LPIN2: variants seen among roughly 807,000 people sequenced by gnomAD.
The protein encoded by LPIN2 is lipin 2, also known as phosphatidate phosphatase LPIN2.
LPIN2 carries 55 observed loss-of-function variants against 111.4 expected under a neutral mutation model. That is an observed-to-expected ratio of 0.49 (90% CI 0.40 to 0.62). The LOEUF (loss-of-function observed/expected upper bound fraction) is 0.62, where lower values mean the gene tolerates loss of function less well. LPIN2 is among the 20% of genes least tolerant of loss of function. The pLI is 0.00. For missense variants in LPIN2, 992 were observed against 1,112.1 expected, an observed-to-expected ratio of 0.89 and a Z score of 1.54; for synonymous variants, 425 against 414.0, an observed-to-expected ratio of 1.03 and a Z score of -0.32.
intron 18 of LPIN2, 157 bp downstream of exon 18, chr18:2,921,376 G>A: frequency 1.4e-6 from 1 of 692,528 alleles, no homozygotes; most frequent in Admixed American, 2.1e-5. Context: ...AGTTGCTATA[G>A]ATATTTGGAA....
chr18:2,951,533 T>C (rs1443815336), intron 3 of LPIN2, among the ~76,000 whole-genome samples, 177 bp from the exon 4 acceptor site: 1 of 152,170 alleles, frequency 6.6e-6, no homozygotes, highest in Non-Finnish European at 1.5e-5. Flanking sequence ...GACGAGGTCT[T>C]TCCCCTGTGA....
At chr18:2,926,138 G>GAAAAA (rs1568516330) in intron 13 of LPIN2, among the ~76,000 whole-genome samples, 1 of 152,060 alleles carries the variant, frequency 6.6e-6, no homozygotes, top group African/African-American at 2.4e-5. Flanking sequence ...ACAAAAACTA[G>GAAAAA]TAAGAAAAAT....
intron 1 of LPIN2, among the ~76,000 whole-genome samples, chr18:2,983,493 C>T (rs1427907192): frequency 6.6e-6 from 1 of 152,180 alleles, no homozygotes; most frequent in African/African-American, 2.4e-5. Flanking sequence ...AAACCGCAAA[C>T]ACACAACTCA....
chr18:2,955,062 C>A (rs1306729662), intron 2 of LPIN2, among the ~76,000 whole-genome samples: 1 of 152,118 alleles, frequency 6.6e-6, no homozygotes, highest in Non-Finnish European at 1.5e-5. Flanking sequence ...TAACAGGTGA[C>A]AATCAGTGCT....
intron 4 of LPIN2, 35 bp downstream of exon 4, chr18:2,951,020 C>T (rs1380157725): frequency 6.2e-7 from 1 of 1,612,306 alleles, no homozygotes; most frequent in East Asian, 2.2e-5. Context: ...ACTCTAGGTA[C>T]CCGCACAAGA....
chr18:2,931,338 G>C lies in LPIN2; in HGVS notation c.1374C>G (p.Cys458Trp). 1 of 1,614,168 alleles carries C rather than the reference G, an allele frequency of 6.2e-7. No homozygotes were observed. The highest frequency in any genetic ancestry group is 8.5e-7 in the Non-Finnish European group (1 of 1,180,030). The change falls in exon 9 of 20, where the codon TGC becomes TGG. Residue 458 changes from cysteine (C) to tryptophan (W), a missense_variant. By Grantham distance (215) the Cys-to-Trp change is radical. This residue lies in a region of LPIN2 where 709 missense variants were observed against 753.2 expected (regional missense o/e 0.94). Coordinates refer to ENST00000677752, the MANE Select transcript of LPIN2 (RefSeq NM_001375808.2). Reference protein sequence around the residue: ...GSAAADSGTECLSDSAMDLPD... With the variant: ...GSAAADSGTEWLSDSAMDLPD... ...GCAAGTCCATGGCAGAATCTGAGAG[G>C]CACTCGGTGCCGCTATCTGCAGCTG...
At chr18:2,964,509 C>T (rs2077762872) in intron 1 of LPIN2, among the ~76,000 whole-genome samples, 1 of 152,080 alleles carries the variant, frequency 6.6e-6, no homozygotes, top group South Asian at 2.1e-4. Flanking sequence ...GAAAGAGACC[C>T]AGACCACGCT....
At chr18:2,945,896 G>T in intron 4 of LPIN2, 1 of 1,426,598 alleles carries the variant, frequency 7.0e-7, no homozygotes, top group Non-Finnish European at 9.9e-7. Context: ...TAGTCCACAT[G>T]TTTCTCTTTT....
chr18:3,009,348 G>A (rs62077519), intron 1 of LPIN2, among the ~76,000 whole-genome samples: 20,113 of 151,520 alleles, frequency 0.13, 1,448 homozygotes, highest in South Asian at 0.19. Context: ...GCAGTCAGCC[G>A]AGATCATGAC....
At chr18:2,989,586 A>C (rs538417298) in intron 1 of LPIN2, among the ~76,000 whole-genome samples, 2 of 148,286 alleles carry the variant, frequency 1.3e-5, no homozygotes, top group Non-Finnish European at 1.5e-5. Flanking sequence ...AAAAGAGCTA[A>C]GTTGGAAGAC....
intron 1 of LPIN2, among the ~76,000 whole-genome samples, chr18:2,969,895 A>C: frequency 6.6e-6 from 1 of 152,230 alleles, no homozygotes; most frequent in East Asian, 1.9e-4. Flanking sequence ...TATGGGCTCA[A>C]GTTCACATCC....
intron 7 of LPIN2, 80 bp from the exon 8 acceptor site, chr18:2,934,530 CAGTA>C (rs1319491557): frequency 2.3e-6 from 2 of 885,954 alleles, no homozygotes; most frequent in East Asian, 2.5e-5. Flanking sequence ...CGTTTGCAAA[CAGTA>C]AGAGTGACAA....
intron 12 of LPIN2, among the ~76,000 whole-genome samples, chr18:2,927,219 G>A (rs1173759100): frequency 6.6e-6 from 1 of 152,204 alleles, no homozygotes; most frequent in East Asian, 1.9e-4. Flanking sequence ...AAAAACAGGT[G>A]AGAACTCCCT....
At chr18:3,012,253 C>A (rs1009813450) in intron 1 of LPIN2, among the ~76,000 whole-genome samples, 1 of 152,180 alleles carries the variant, frequency 6.6e-6, no homozygotes, top group African/African-American at 2.4e-5. Flanking sequence ...AGTAGTCCTT[C>A]AAAGCATTTC....
At chr18:2,973,429 T>C (rs1448870119) in intron 1 of LPIN2, among the ~76,000 whole-genome samples, 2 of 152,224 alleles carry the variant, frequency 1.3e-5, no homozygotes, top group Non-Finnish European at 2.9e-5. Flanking sequence ...ATCATATAAA[T>C]AGAACCATAC....
At chr18:2,982,791 C>A in intron 1 of LPIN2, 1 of 1,141,964 alleles carries the variant, frequency 8.8e-7, no homozygotes, top group Non-Finnish European at 1.2e-6. Flanking sequence ...ACTAGCATGT[C>A]TTTTTTCAGA....
At chr18:2,940,927 A>G (rs1488094072) in intron 4 of LPIN2, among the ~76,000 whole-genome samples, 1 of 152,220 alleles carries the variant, frequency 6.6e-6, no homozygotes, top group Non-Finnish European at 1.5e-5. Flanking sequence ...AAATAGGGGG[A>G]GGACAAAAGA....
At chr18:2,997,447 CAT>C (rs1344660087) in intron 1 of LPIN2, among the ~76,000 whole-genome samples, 9 of 48,546 alleles carry the variant, frequency 1.9e-4, no homozygotes, top group Admixed American at 4.8e-4. Flanking sequence ...TTTTTCTAAA[CAT>C]AACAAATTCA....
intron 6 of LPIN2, 30 bp from the exon 7 acceptor site, chr18:2,938,067 A>G (rs2077316008): frequency 6.5e-7 from 1 of 1,529,510 alleles, no homozygotes; most frequent in Admixed American, 1.7e-5. Flanking sequence ...TAAAAATTAA[A>G]CTACTTTCAG....
Sources: allele counts gnomAD v4.1 joint callset (sites outside exome capture counted in the v4.1 genomes callset), GRCh38; gene constraint gnomAD v4.1.1; regional missense constraint gnomAD v4.1.1; transcripts MANE v1.5; gene names NCBI Gene and HGNC (gene_info 2026-07-23, HGNC 2026-07-21).